The following EYS variants were observed in gnomAD, a reference collection of about 807,000 sequenced individuals.
EYS encodes protein eyes shut homolog.
In EYS, 250 loss-of-function variants were observed where a neutral mutation model predicts 282.1. That is an observed-to-expected ratio of 0.89 (90% CI 0.80 to 0.98). The LOEUF is 0.98. EYS is among the 50% of genes least tolerant of loss of function. The pLI, the probability that EYS is intolerant of heterozygous loss-of-function variation, is 0.00. For synonymous variants in EYS, 1,355 were observed against 1,282.9 expected (o/e 1.06, Z -1.20); for missense variants, 4,016 against 3,709.0 (o/e 1.08, Z -2.15).
chr6:64,597,727 G>T (rs1766631276), intron 24 of EYS, among the ~76,000 whole-genome samples: 1 of 150,638 alleles, frequency 6.6e-6, no homozygotes, highest in African/African-American at 2.4e-5. Context: ...AGGACATGGG[G>T]GGGTAAATAA....
intron 28 of EYS, among the ~76,000 whole-genome samples, chr6:64,395,817 T>G (rs1464040074): frequency 6.6e-6 from 1 of 151,322 alleles, no homozygotes; most frequent in Non-Finnish European, 1.5e-5. Flanking sequence ...AAAAACAAAA[T>G]AATAGTACAC....
chr6:65,169,625 A>G (rs1765057187), intron 12 of EYS, among the ~76,000 whole-genome samples: 1 of 151,452 alleles, frequency 6.6e-6, no homozygotes. Context: ...AATGTAAAAA[A>G]TTAAACATAA....
At chr6:65,000,553 T>C (rs909009248) in intron 13 of EYS, among the ~76,000 whole-genome samples, 2 of 152,016 alleles carry the variant, frequency 1.3e-5, no homozygotes, top group Admixed American at 6.6e-5. Flanking sequence ...AGGTGGATCA[T>C]TGGAGGTCAG....
chr6:65,251,469 CA>C (rs1767322382), intron 12 of EYS, among the ~76,000 whole-genome samples: 1 of 149,988 alleles, frequency 6.7e-6, no homozygotes, highest in South Asian at 2.1e-4. Flanking sequence ...AAAAAAACAA[CA>C]AAAATGAAAT....
chr6:63,721,276 TATTC>T lies in EYS; in HGVS notation c.8751_8754del (p.Asn2918IlefsTer56). 6.4e-7 allele frequency: 1 copy of T among 1,551,976 alleles called. No individual in the cohort carries two copies. Among genetic ancestry groups the T allele is most frequent in the Non-Finnish European group, 8.7e-7 (1 of 1,146,994 alleles). The stretch of plus-strand genomic sequence containing the variant: ...CATAAAGATTGGTGGAGGCAAAGAT[TATTC>T]AAACAGGACACAGACTGGTTACATG... On this transcript the variant is annotated frameshift_variant, in exon 43 of 43. Coordinates refer to ENST00000503581, the MANE Select transcript of EYS (RefSeq NM_001142800.2). LOFTEE classifies it high-confidence loss of function.
chr6:65,179,437 C>G (rs564448929), intron 12 of EYS, among the ~76,000 whole-genome samples: 2 of 152,030 alleles, frequency 1.3e-5, no homozygotes, highest in African/African-American at 4.8e-5. Context: ...AACACCTCTG[C>G]GCAAATAAAC....
At chr6:64,220,337 TG>T (rs1013970737) in intron 31 of EYS, among the ~76,000 whole-genome samples, 15 of 152,288 alleles carry the variant, frequency 9.8e-5, no homozygotes, top group Middle Eastern at 6.8e-3. Context: ...ACCAGGAGAA[TG>T]GGAATATGAA....
At chr6:65,038,822 A>G (rs948533850) in intron 13 of EYS, among the ~76,000 whole-genome samples, 4 of 151,466 alleles carry the variant, frequency 2.6e-5, no homozygotes, top group South Asian at 4.1e-4. Context: ...GATTAATCAT[A>G]AGAATTTTTT....
At chr6:65,605,944 C>G (rs1253152218) in intron 2 of EYS, among the ~76,000 whole-genome samples, 1 of 151,520 alleles carries the variant, frequency 6.6e-6, no homozygotes, top group Non-Finnish European at 1.5e-5. Flanking sequence ...TTATACATTT[C>G]CTTTTACACA....
At chr6:65,330,647 T>A in intron 11 of EYS, 1 of 936,146 alleles carries the variant, frequency 1.1e-6, no homozygotes, top group South Asian at 4.9e-5. Context: ...ACGCTATTCA[T>A]TAACTTTGTG....
Position 64,439,171 on chromosome 6 carries a change from A to G in EYS, c.5826T>C (p.Gly1942=). Residue 1942 remains glycine, a synonymous_variant, in exon 27 of 43, where the codon GGT becomes GGC. Transcript: ENST00000503581. ...GFFIQLFIEN[G]TLKYHFYCPG... The stretch of plus-strand genomic sequence containing the variant: ...GAACTGAATAACTTACCTTTAAAGT[A>G]CCATTTTCAATAAACAATTGAATAA... 1 of 1,445,834 alleles carries G rather than the reference A, an allele frequency of 6.9e-7. No homozygotes were observed. The highest frequency in any genetic ancestry group is 9.2e-7 in the Non-Finnish European group (1 of 1,090,478). The allele number at this position is 1,445,834 out of a possible 1,614,324, so 89.6% of individuals were successfully genotyped here.
At chr6:64,848,282 TTA>T (rs1434908647) in intron 19 of EYS, among the ~76,000 whole-genome samples, 5 of 148,610 alleles carry the variant, frequency 3.4e-5, no homozygotes, top group Admixed American at 6.6e-5. Flanking sequence ...AAGAATAATA[TTA>T]TGTTTTTTTA....
At chr6:64,768,004 G>A (rs545665666) in intron 22 of EYS, among the ~76,000 whole-genome samples, 1 of 151,996 alleles carries the variant, frequency 6.6e-6, no homozygotes, top group East Asian at 1.9e-4. Flanking sequence ...ATACCTTATT[G>A]CGATTTTGAT....
intron 28 of EYS, among the ~76,000 whole-genome samples, chr6:64,399,675 C>G (rs923288319): frequency 1.3e-5 from 2 of 151,826 alleles, no homozygotes; most frequent in African/African-American, 4.8e-5. Flanking sequence ...TAAGCCAATT[C>G]CTTGAAATAA....
chr6:64,040,043 G>A (rs1242064579), intron 33 of EYS, among the ~76,000 whole-genome samples: 1 of 152,158 alleles, frequency 6.6e-6, no homozygotes, highest in African/African-American at 2.4e-5. Flanking sequence ...GCAAGATAGA[G>A]CTTGCAAAGT....
intron 33 of EYS, among the ~76,000 whole-genome samples, chr6:64,043,310 G>A (rs998753583): frequency 6.6e-6 from 1 of 152,196 alleles, no homozygotes; most frequent in African/African-American, 2.4e-5. Flanking sequence ...ACAAGGCTCA[G>A]TACTCCATAT....
rs1446879357 is a variant in EYS at position 65,194,492 on chromosome 6, A to G, written c.2023+101371T>C. On this transcript the variant is annotated intron_variant, in intron 12 of 42. Coordinates refer to ENST00000503581, the MANE Select transcript of EYS (RefSeq NM_001142800.2). ...TAATAAATTCCAGCAACTAACTTATACTTTTTTGCCTAGCCATTCCACCCC... is the reference window on the plus strand; with the variant it reads ...TAATAAATTCCAGCAACTAACTTATGCTTTTTTGCCTAGCCATTCCACCCC... Among the ~76,000 whole-genome samples, 4 of 152,102 alleles carry G rather than the reference A, an allele frequency of 2.6e-5. No homozygotes were observed. The East Asian group carries it at 7.8e-4, about 30-fold the overall frequency.
intron 12 of EYS, among the ~76,000 whole-genome samples, chr6:65,061,070 C>T (rs1381914792): frequency 6.6e-6 from 1 of 151,664 alleles, no homozygotes; most frequent in African/African-American, 2.4e-5. Context: ...ATAAAGATTG[C>T]CAGAAACAGA....
intron 26 of EYS, among the ~76,000 whole-genome samples, chr6:64,559,522 T>A (rs1210570318): frequency 2.0e-5 from 3 of 152,056 alleles, no homozygotes; most frequent in Non-Finnish European, 2.9e-5. Context: ...CAAAGTTACA[T>A]TTTTTTGTGG....
Sources: allele counts gnomAD v4.1 joint callset (sites outside exome capture counted in the v4.1 genomes callset), GRCh38; gene constraint gnomAD v4.1.1; transcripts MANE v1.5; gene names NCBI Gene and HGNC (gene_info 2026-07-23, HGNC 2026-07-21).